RBM23: variants seen among roughly 807,000 people sequenced by gnomAD.
The protein encoded by RBM23 is probable RNA-binding protein 23.
Under a neutral mutation model 56.2 loss-of-function variants are expected in RBM23, and 53 were observed. The ratio of observed to expected loss-of-function variants is 0.94; its 90% confidence interval spans 0.76 to 1.19. RBM23 has a LOEUF of 1.19. RBM23 is among the 50% of genes most tolerant of loss of function. The pLI is 0.00. For missense variants in RBM23, 642 were observed against 590.3 expected, an observed-to-expected ratio of 1.09 and a Z score of -0.91; for synonymous variants, 197 against 198.5, an observed-to-expected ratio of 0.99 and a Z score of 0.06.
chr14:22,917,062 T>C (rs1001461863), intron 1 of RBM23: 10 of 152,004 alleles, frequency 6.6e-5, no homozygotes, highest in African/African-American at 2.4e-4. Flanking sequence ...GAGACGGGGT[T>C]TCTCCACATT....
At chr14:22,903,192 G>A (rs1423942361) in intron 10 of RBM23, 4 of 985,356 alleles carry the variant, frequency 4.1e-6, no homozygotes, top group African/African-American at 1.7e-5. Flanking sequence ...ACACACAAGA[G>A]CTGTTGACTA....
intron 9 of RBM23, among the ~76,000 whole-genome samples, chr14:22,904,616 C>T (rs1377022325): frequency 2.0e-5 from 3 of 151,702 alleles, no homozygotes; most frequent in African/African-American, 7.3e-5. Context: ...GGACTATAGG[C>T]GTGCACCACC....
chr14:22,904,570 CAA>C (rs1482273811), intron 9 of RBM23, among the ~76,000 whole-genome samples: 2 of 151,444 alleles, frequency 1.3e-5, no homozygotes, highest in African/African-American at 4.9e-5. Flanking sequence ...CTCCCAGGCT[CAA>C]GTGACCCTCC....
intron 4 of RBM23, 148 bp from the exon 5 acceptor site, chr14:22,906,516 A>G: frequency 1.1e-6 from 1 of 940,854 alleles, no homozygotes; most frequent in South Asian, 1.7e-5. Flanking sequence ...GTCGTAATGT[A>G]TTACTTATGT....
At chr14:22,906,558 TTACCTACTGCACTCCCAGTTGTATAAAA>T (rs1213588870) in intron 4 of RBM23, among the ~76,000 whole-genome samples, 190 bp from the exon 5 acceptor site, 1 of 152,226 alleles carries the variant, frequency 6.6e-6, no homozygotes, top group Non-Finnish European at 1.5e-5. Context: ...AACCAAACTA[TTACCTACTGCACTCCCAGTTGTATAAAA>T]ATACAGCACA....
chr14:22,906,771 G>A (rs1309022503), intron 4 of RBM23, among the ~76,000 whole-genome samples: 1 of 152,252 alleles, frequency 6.6e-6, no homozygotes, highest in African/African-American at 2.4e-5. Flanking sequence ...GGGCGCGGTG[G>A]CTCACGCCTG....
At chr14:22,908,012 T>C (rs2041860315) in intron 4 of RBM23, among the ~76,000 whole-genome samples, 1 of 152,184 alleles carries the variant, frequency 6.6e-6, no homozygotes, top group African/African-American at 2.4e-5. Context: ...AATGTTTCAA[T>C]TTTTTATTTT....
chr14:22,911,280 T>A, intron 2 of RBM23, 48 bp downstream of exon 2: 1 of 1,462,668 alleles, frequency 6.8e-7, no homozygotes. Context: ...GATCGACAAC[T>A]ACTCTTTCTC....
chr14:22,906,302 A>G lies in RBM23; in HGVS notation c.294T>C (p.Cys98=). ...NSRSRSPGRQ[C]RHRSRSWDRR... ...GATCCCAGCTACGGCTACGGTGACG[A>G]CACTGCCGACCTGGACTTCGGCTCC... Residue 98 remains cysteine (C), a synonymous_variant, in exon 5 of 14, where the codon TGT becomes TGC. Coordinates refer to ENST00000359890, the MANE Select transcript of RBM23 (RefSeq NM_001077351.2). The G allele has an allele frequency of 6.2e-7, 1 of 1,614,226 alleles. No individual in the cohort carries two copies. The highest frequency in any genetic ancestry group is 8.5e-7 in the Non-Finnish European group (1 of 1,180,030).
At position 22,909,566 on chromosome 14, in the gene RBM23, C is replaced by T. The variant is rs998820682; in HGVS notation, c.96G>A (p.Lys32=). 2.5e-6 allele frequency: 4 copies of T among 1,613,512 alleles called. No individual in the cohort carries two copies. Among genetic ancestry groups the T allele is most frequent in the Non-Finnish European group, 3.4e-6 (4 of 1,179,968 alleles). The part of the protein sequence containing the change: ...EDEQQRKEVK[K]DYPSNTTSST... ...TGCTGGTGGTATTGCTAGGATAATCCTTTTTAACTTCTTTCCTTTGTTGCT... is the reference window on the plus strand; with the variant it reads ...TGCTGGTGGTATTGCTAGGATAATCTTTTTTAACTTCTTTCCTTTGTTGCT... Residue 32 remains lysine (K), a synonymous_variant, in exon 3 of 14, where the codon AAG becomes AAA. Coordinates refer to ENST00000359890, the MANE Select transcript of RBM23 (RefSeq NM_001077351.2).
At chr14:22,916,730 C>T in intron 1 of RBM23, among the ~76,000 whole-genome samples, 1 of 152,018 alleles carries the variant, frequency 6.6e-6, no homozygotes, top group East Asian at 1.9e-4. Context: ...CATGAATGTT[C>T]TTCTCATATG....
In RBM23 at chr14:22,902,103, A is replaced by G; in HGVS notation, c.1127-4T>C. 2 of 1,606,624 alleles carry G rather than the reference A, an allele frequency of 1.2e-6. No individual in the cohort carries two copies. The highest frequency in any genetic ancestry group is 1.1e-5 in the South Asian group (1 of 90,534). On this transcript the variant is annotated splice_polypyrimidine_tract_variant and splice_region_variant and intron_variant, in intron 11 of 13. Coordinates refer to ENST00000359890, the MANE Select transcript of RBM23 (RefSeq NM_001077351.2). ...CTTGGCAGTTGGATTCCAGCGCCTA[A>G]AAGGAAAAGAAAAGGTGGGATTAAG...
rs1353934437 is a variant in RBM23 at position 22,895,582 on chromosome 14, A to T, written c.*6148T>A. 6.6e-6 allele frequency: 1 copy of T among 152,338 alleles called. No homozygotes were observed. The highest frequency in any genetic ancestry group is 2.4e-5 in the African/African-American group (1 of 41,404). The allele number at this position is 152,338 out of a possible 1,614,324, so 9.4% of individuals were successfully genotyped here. A position where few individuals can be genotyped will look rare whatever the true frequency, so the allele number is the denominator to read the frequency against. ...GGAGGGAGGATCACTTAAGCCCAGGAGTTCAAGACCACCTGGGCAACATAG... is the reference window on the plus strand; with the variant it reads ...GGAGGGAGGATCACTTAAGCCCAGGTGTTCAAGACCACCTGGGCAACATAG... On this transcript the variant is annotated 3_prime_UTR_variant, in exon 14 of 14. Transcript: ENST00000359890.
intron 1 of RBM23, chr14:22,911,635 G>A (rs577718812): frequency 4.6e-5 from 14 of 306,264 alleles, no homozygotes; most frequent in Middle Eastern, 1.1e-3. Context: ...AGGATAGTCC[G>A]GGCGCAGTGG....
chr14:22,905,683 G>A, intron 5 of RBM23, 24 bp from the exon 6 acceptor site: 2 of 1,561,734 alleles, frequency 1.3e-6, no homozygotes, highest in Non-Finnish European at 8.8e-7. Flanking sequence ...AAAAACAAAA[G>A]GTGAAACCTT....
intron 10 of RBM23, 33 bp from the exon 11 acceptor site, chr14:22,902,415 C>T: frequency 6.3e-7 from 1 of 1,599,846 alleles, no homozygotes; most frequent in Non-Finnish European, 8.6e-7. Context: ...TAGTCACCTA[C>T]TCACCAAAGA....
rs1566548634 is a variant in RBM23 at position 22,905,403 on chromosome 14, A to C, written c.506T>G (p.Phe169Cys). 2 of 1,614,182 alleles carry C rather than the reference A, an allele frequency of 1.2e-6. No homozygotes were observed. The highest frequency in any genetic ancestry group is 1.7e-6 in the Non-Finnish European group (2 of 1,180,036). Residue 169 changes from phenylalanine to cysteine, a missense_variant, in exon 7 of 14, where the codon TTC (phenylalanine) becomes TGC (cysteine). Phe to Cys is a radical substitution (Grantham distance 205). Transcript: ENST00000359890. ...AATTCGGGCAGCTAACTGCATACAGAAAACTGTGCGGGCATCACGCTCCTC... is the reference window on the plus strand; with the variant it reads ...AATTCGGGCAGCTAACTGCATACAGCAAACTGTGCGGGCATCACGCTCCTC... Reference protein sequence around the residue: ...SPEERDARTVFCMQLAARIRP... With the variant: ...SPEERDARTVCCMQLAARIRP...
At chr14:22,915,132 T>C (rs1566601250) in intron 1 of RBM23, among the ~76,000 whole-genome samples, 1 of 152,182 alleles carries the variant, frequency 6.6e-6, no homozygotes, top group Non-Finnish European at 1.5e-5. Flanking sequence ...TTCTATGACT[T>C]ACAGTACCTA....
At chr14:22,909,974 G>A (rs1255354528) in intron 2 of RBM23, among the ~76,000 whole-genome samples, 7 of 151,230 alleles carry the variant, frequency 4.6e-5, no homozygotes, top group African/African-American at 1.7e-4. Context: ...CCGACATGTC[G>A]AAACCCCATC....
Sources: gnomAD v4.1 joint callset for allele counts (sites outside exome capture counted in the v4.1 genomes callset) on GRCh38, gnomAD v4.1.1 for gene constraint, MANE v1.5 for transcripts, NCBI Gene and HGNC (gene_info 2026-07-23, HGNC 2026-07-21) for gene names.